S100PBP: variants seen among roughly 807,000 people sequenced by gnomAD.
S100PBP encodes the protein S100P binding protein, also known as S100P-binding protein.
In S100PBP, 15 loss-of-function variants were observed where a neutral mutation model predicts 39.9. The ratio of observed to expected loss-of-function variants is 0.38; its 90% confidence interval spans 0.25 to 0.58. The LOEUF is 0.58. Ranked by LOEUF, S100PBP falls within the 20% of genes least tolerant of loss-of-function variation. The probability of loss-of-function intolerance (pLI) is 0.70; values close to 1 mark genes in which losing one functional copy is unlikely to be tolerated. For synonymous variants in S100PBP, 178 were observed against 180.3 expected, an observed-to-expected ratio of 0.99 and a Z score of 0.10; for missense variants, 504 against 487.3, an observed-to-expected ratio of 1.03 and a Z score of -0.32.
chr1:32,824,283 A>G (rs1346637853), intron 1 of S100PBP, among the ~76,000 whole-genome samples: 3 of 151,968 alleles, frequency 2.0e-5, no homozygotes, highest in Non-Finnish European at 2.9e-5. Flanking sequence ...AGTAGGGGAA[A>G]TTTTATAGTT....
intron 5 of S100PBP, among the ~76,000 whole-genome samples, chr1:32,850,357 C>G (rs1640560113): frequency 6.6e-6 from 1 of 152,120 alleles, no homozygotes; most frequent in African/African-American, 2.4e-5. Context: ...CTGAAATGTC[C>G]TTTTTGGGTG....
In S100PBP at chr1:32,843,560, G is replaced by A. The variant is rs1027511840; in HGVS notation, c.1025-9519G>A. Among the ~76,000 whole-genome samples, 9 of 152,092 alleles carry A rather than the reference G, an allele frequency of 5.9e-5. No individual in the cohort carries two copies. The South Asian group carries it at 1.2e-3, about 21-fold the overall frequency. On this transcript the variant is annotated intron_variant, in intron 5 of 6. Coordinates refer to ENST00000373475, the MANE Select transcript of S100PBP (RefSeq NM_022753.4). ...AAACCTCCGCCTTCCATGTTCAAGC[G>A]ATTCTCCTTCAGCCTCCTGAATAGC...
At position 32,855,930 on chromosome 1, in the gene S100PBP, C is replaced by T. The variant is rs919565834; in HGVS notation, c.1119C>T (p.Tyr373=). The T allele has an allele frequency of 5.0e-6, 8 of 1,610,768 alleles. No homozygotes were observed. The highest frequency in any genetic ancestry group is 4.2e-6 in the Non-Finnish European group (5 of 1,177,806). ...QHPSDLTTRN[Y]ARRQKHLQRY... ...ACTCTCCCTCTCTCGATAGAAACTA[C>T]GCCCGCCGACAGAAACATCTGCAAA... Residue 373 remains tyrosine, a synonymous_variant, in exon 7 of 7, where the codon TAC becomes TAT. Transcript: ENST00000373475.
At position 32,828,059 on chromosome 1, in the gene S100PBP, C is replaced by T. The variant is rs1165807433; in HGVS notation, c.898C>T (p.Pro300Ser). The change falls in exon 4 of 7, where the codon CCT becomes TCT. Residue 300 changes from proline (P) to serine (S), a missense_variant. Pro to Ser is a moderately conservative substitution (Grantham distance 74, BLOSUM62 -1). Transcript: ENST00000373475. Reference protein sequence around the residue: ...GHERRLGKVIPVLQTKTRTNV... With the variant: ...GHERRLGKVISVLQTKTRTNV... Reference sequence around the variant, plus strand: ...TGAGAGAAGACTAGGCAAAGTCATTCCTGTTCTACAAACTAAGACCAGGTA... The same window carrying T: ...TGAGAGAAGACTAGGCAAAGTCATTTCTGTTCTACAAACTAAGACCAGGTA... 1.9e-6 allele frequency: 3 copies of T among 1,605,080 alleles called. No individual in the cohort carries two copies. Among genetic ancestry groups the T allele is most frequent in the Non-Finnish European group, 2.6e-6 (3 of 1,172,258 alleles).
At chr1:32,846,642 G>C (rs1426501271) in intron 5 of S100PBP, among the ~76,000 whole-genome samples, 5 of 151,812 alleles carry the variant, frequency 3.3e-5, no homozygotes, top group Non-Finnish European at 2.9e-5. Context: ...ATCTCACTCT[G>C]TTGCCTAGGC....
chr1:32,839,623 C>T (rs1196223728), intron 5 of S100PBP, among the ~76,000 whole-genome samples: 4 of 152,022 alleles, frequency 2.6e-5, no homozygotes, highest in Non-Finnish European at 5.9e-5. Context: ...AAACTCCTGG[C>T]ATCAGTCTCC....
At chr1:32,820,051 C>T (rs974980782) in intron 1 of S100PBP, among the ~76,000 whole-genome samples, 1 of 151,092 alleles carries the variant, frequency 6.6e-6, no homozygotes, top group Non-Finnish European at 1.5e-5. Flanking sequence ...CTGGATTAAA[C>T]TAGATAAGAG....
In S100PBP at chr1:32,856,075, A is replaced by G; in HGVS notation, c.*37A>G. On this transcript the variant is annotated 3_prime_UTR_variant, in exon 7 of 7. Transcript: ENST00000373475. ...CCATCAGCAATGAAGGTCCCTATCC[A>G]GGGTCCTGCTTGGAGCAGCATTTCA... The G allele has an allele frequency of 7.4e-7, 1 of 1,354,418 alleles. No individual in the cohort carries two copies. Among genetic ancestry groups the G allele is most frequent in the Non-Finnish European group, 1.1e-6 (1 of 945,644 alleles). The allele number at this position is 1,354,418 out of a possible 1,614,324, so 83.9% of individuals were successfully genotyped here.
At chr1:32,842,591 T>A (rs1640169010) in intron 5 of S100PBP, among the ~76,000 whole-genome samples, 3 of 152,010 alleles carry the variant, frequency 2.0e-5, no homozygotes, top group Admixed American at 2.0e-4. Context: ...GAGAGAGAAT[T>A]AACATTTTAT....
intron 5 of S100PBP, chr1:32,836,511 C>A: frequency 1.0e-6 from 1 of 972,758 alleles, no homozygotes; most frequent in Non-Finnish European, 1.2e-6. Context: ...TTTTTGTGTC[C>A]CAACTAAGTA....
At position 32,830,043 on chromosome 1, in the gene S100PBP, G is replaced by A; in HGVS notation, c.1000G>A (p.Glu334Lys). The change falls in exon 5 of 7, where the codon GAA becomes AAA. Residue 334 changes from glutamate (E) to lysine (K), a missense_variant. Physicochemically the swap from Glu to Lys is moderately conservative, Grantham distance 56. Coordinates refer to ENST00000373475, the MANE Select transcript of S100PBP (RefSeq NM_022753.4). ...TCTCAGGAGTGTCATTGCTCATATA[G>A]AAGACCCAGAGGACACTAACCAAGG... ...LYLRSVIAHI[E>K]DPEDTNQGIS... 1 of 1,612,160 alleles carries A rather than the reference G, an allele frequency of 6.2e-7. No individual in the cohort carries two copies. The highest frequency in any genetic ancestry group is 8.5e-7 in the Non-Finnish European group (1 of 1,178,374).
intron 6 of S100PBP, among the ~76,000 whole-genome samples, chr1:32,854,906 G>T (rs1324504156): frequency 6.6e-6 from 1 of 152,190 alleles, no homozygotes; most frequent in Non-Finnish European, 1.5e-5. Flanking sequence ...AGTCAGATGT[G>T]AATTCAAATC....
At chr1:32,849,456 T>G (rs912755145) in intron 5 of S100PBP, among the ~76,000 whole-genome samples, 4 of 152,198 alleles carry the variant, frequency 2.6e-5, no homozygotes, top group Non-Finnish European at 5.9e-5. Context: ...AAATGGAGGT[T>G]ATAGAGTTTG....
At chr1:32,836,082 T>C (rs1340119335) in intron 5 of S100PBP, 2 of 152,096 alleles carry the variant, frequency 1.3e-5, no homozygotes, top group African/African-American at 4.8e-5. Flanking sequence ...CTACCAACAG[T>C]GCACAAGAGT....
intron 3 of S100PBP, among the ~76,000 whole-genome samples, chr1:32,827,400 T>C (rs1312932014): frequency 1.3e-5 from 2 of 152,196 alleles, no homozygotes; most frequent in Admixed American, 1.3e-4. Context: ...ATGAAAGAGC[T>C]GAAAAATCTT....
intron 5 of S100PBP, among the ~76,000 whole-genome samples, chr1:32,846,233 C>T (rs975770576): frequency 2.7e-5 from 4 of 150,148 alleles, no homozygotes; most frequent in African/African-American, 9.8e-5. Context: ...TCATGATCTG[C>T]CTGCCTCGGC....
At chr1:32,817,132 C>A, upstream of S100PBP, 1 of 1,608,198 alleles carries the variant, frequency 6.2e-7, no homozygotes, top group South Asian at 1.1e-5. Context: ...GGCTCAAAAT[C>A]ACTGAACCTC....
intron 1 of S100PBP, chr1:32,817,919 G>C (rs1391773944): frequency 6.5e-6 from 1 of 153,504 alleles, no homozygotes; most frequent in African/African-American, 2.4e-5. Context: ...ACCCCGCTGA[G>C]GAAAAGGGAA....
At chr1:32,827,601 A>G (rs1431537765) in intron 3 of S100PBP, among the ~76,000 whole-genome samples, 7 of 151,748 alleles carry the variant, frequency 4.6e-5, no homozygotes, top group African/African-American at 1.7e-4. Flanking sequence ...CTCCTGTCTC[A>G]GTCTCGAGTA....
Sources: allele counts gnomAD v4.1 joint callset (sites outside exome capture counted in the v4.1 genomes callset), GRCh38; gene constraint gnomAD v4.1.1; transcripts MANE v1.5; gene names NCBI Gene and HGNC (gene_info 2026-07-23, HGNC 2026-07-21).